NLGN4Y: variants seen among roughly 807,000 people sequenced by gnomAD.
The protein encoded by NLGN4Y is neuroligin 4 Y-linked.
In NLGN4Y, 4 loss-of-function variants were observed where a neutral mutation model predicts 8.4. That is an observed-to-expected ratio of 0.48 (90% confidence interval 0.23 to 1.09). The LOEUF (loss-of-function observed/expected upper bound fraction) is 1.09. Among genes scored for constraint, NLGN4Y ranks in the 50% least tolerant of loss-of-function variants. The pLI is 0.19. For missense variants in NLGN4Y, 90 were observed against 192.3 expected (o/e 0.47, Z 3.15); for synonymous variants, 35 against 75.6 (o/e 0.46, Z 2.78).
At chrY:14,792,784 CAAAAAAAAAAAAAAAAAAA>C in intron 4 of NLGN4Y, among the ~76,000 whole-genome samples, 1 of 479 alleles carries the variant, frequency 2.1e-3, no homozygotes, top group Non-Finnish European at 3.5e-3. Flanking sequence ...ATCCTGTCTC[CAAAAAAAAAAAAAAAAAAA>C]AAAAAAAAAA....
intron 4 of NLGN4Y, among the ~76,000 whole-genome samples, chrY:14,724,674 CTG>C (rs2080949590): frequency 3.1e-5 from 1 of 31,940 alleles, no homozygotes; most frequent in Non-Finnish European, 7.6e-5. Context: ...GACAGAATCT[CTG>C]TCACCCAGGC....
chrY:14,785,423 T>C, intron 4 of NLGN4Y, among the ~76,000 whole-genome samples: 1 of 34,086 alleles, frequency 2.9e-5, no homozygotes, highest in African/African-American at 1.1e-4. Flanking sequence ...AATATTTGAA[T>C]TGTGTAATGG....
chrY:14,656,637 A>G (rs2080653593), intron 2 of NLGN4Y, among the ~76,000 whole-genome samples: 1 of 30,096 alleles, frequency 3.3e-5, no homozygotes, highest in African/African-American at 1.3e-4. Context: ...AAAAAAAAAC[A>G]GTAAAACAGA....
intron 2 of NLGN4Y, among the ~76,000 whole-genome samples, chrY:14,626,319 C>A (rs945390685): frequency 3.1e-5 from 1 of 32,634 alleles, no homozygotes; most frequent in African/African-American, 1.2e-4. Flanking sequence ...TTAGAGGCAG[C>A]GCGTCTGGAG....
rs529939296 is a variant in NLGN4Y, at chrY:14,706,605, GTTTCACCAATATGATTCT to G, written c.473-12851_473-12834del. Among the ~76,000 whole-genome samples, 155 of 30,410 alleles carry G rather than the reference GTTTCACCAATATGATTCT, an allele frequency of 5.1e-3. No individual in the cohort carries two copies. The South Asian group carries it at 0.12, about 23-fold the overall frequency. 81.6% of individuals were successfully genotyped at this position (30,410 alleles called of 37,273 possible). A position where few individuals can be genotyped will look rare whatever the true frequency, so the allele number is the denominator to read the frequency against. ...TTTTCCTGTTTTTAGTAGAGATAGG[GTTTCACCAATATGATTCT>G]TTCAAAGTGCTCATTACATCAGAAA... is the stretch of plus-strand genomic sequence containing the variant. On this transcript the variant is annotated intron_variant, in intron 2 of 6. Coordinates refer to ENST00000684976, the MANE Select transcript of NLGN4Y (RefSeq NM_001365588.1).
intron 2 of NLGN4Y, among the ~76,000 whole-genome samples, chrY:14,649,674 C>T (rs778245609): frequency 5.9e-5 from 2 of 33,951 alleles, no homozygotes; most frequent in African/African-American, 1.1e-4. Context: ...GTCAAATTTA[C>T]GTCAATCACA....
intron 4 of NLGN4Y, among the ~76,000 whole-genome samples, chrY:14,746,273 C>T (rs965740516): frequency 8.9e-5 from 3 of 33,662 alleles, no homozygotes; most frequent in South Asian, 6.6e-4. Flanking sequence ...CCCTCCATCA[C>T]TTCAGCTGGA....
At position 14,841,136 on chromosome Y, in the gene NLGN4Y, G is replaced by A; in HGVS notation, c.2385G>A (p.Thr795=). 3 of 398,654 alleles carry A rather than the reference G, an allele frequency of 7.5e-6. No homozygotes were observed. The highest frequency in any genetic ancestry group is 1.1e-5 in the Non-Finnish European group (3 of 283,623). The change falls in exon 7 of 7, where the codon ACG becomes ACA. Residue 795 remains threonine (T), a synonymous_variant. Coordinates refer to ENST00000684976, the MANE Select transcript of NLGN4Y (RefSeq NM_001365588.1). ...RRSPDDIPFM[T]PNTITMIPNT... Reference sequence around the variant, plus strand: ...CGCCGGATGACATCCCATTTATGACGCCAAACACCATCACCATGATTCCAA... The same window carrying A: ...CGCCGGATGACATCCCATTTATGACACCAAACACCATCACCATGATTCCAA...
At chrY:14,610,474 T>C (rs2080462798) in intron 1 of NLGN4Y, among the ~76,000 whole-genome samples, 1 of 33,427 alleles carries the variant, frequency 3.0e-5, no homozygotes, top group African/African-American at 1.2e-4. Context: ...CCGGTAGTCA[T>C]TCAGGAGCAA....
At chrY:14,633,662 C>A in intron 2 of NLGN4Y, among the ~76,000 whole-genome samples, 1 of 33,698 alleles carries the variant, frequency 3.0e-5, no homozygotes, top group African/African-American at 1.2e-4. Context: ...TATTTAGTGT[C>A]ATCACTTATT....
In NLGN4Y at chrY:14,702,083, G is replaced by C. The variant is rs2150544394; in HGVS notation, c.473-17376G>C. 1.3e-4 allele frequency among the ~76,000 whole-genome samples: 4 copies of C among 31,502 alleles called. No individual in the cohort carries two copies. In the East Asian group the frequency reaches 2.5e-3, roughly 20 times the overall value. 84.5% of individuals were successfully genotyped at this position (31,502 alleles called of 37,273 possible). A position where few individuals can be genotyped will look rare whatever the true frequency, so the allele number is the denominator to read the frequency against. On this transcript the variant is annotated intron_variant, in intron 2 of 6. Transcript: ENST00000684976. The stretch of plus-strand genomic sequence containing the variant: ...TTGCCCAGACTGTTCTCAAACTCCT[G>C]GCCTCTGGCAATCCTTCTGCTTCAG...
intron 4 of NLGN4Y, among the ~76,000 whole-genome samples, chrY:14,803,662 T>TA (rs2043046395): frequency 3.1e-5 from 1 of 32,401 alleles, no homozygotes; most frequent in African/African-American, 1.2e-4. Flanking sequence ...ACAGAATGAG[T>TA]AAAAGCCTAG....
chrY:14,629,298 G>A, intron 2 of NLGN4Y, among the ~76,000 whole-genome samples: 2 of 33,990 alleles, frequency 5.9e-5, no homozygotes, highest in Admixed American at 5.4e-4. Context: ...TTTATAGCAC[G>A]GTTTTCATCC....
intron 2 of NLGN4Y, among the ~76,000 whole-genome samples, chrY:14,686,147 G>A (rs2080790271): frequency 3.0e-5 from 1 of 33,176 alleles, no homozygotes; most frequent in Non-Finnish European, 7.5e-5. Flanking sequence ...CCTTCCTGAT[G>A]AGCTGAGGGT....
intron 2 of NLGN4Y, among the ~76,000 whole-genome samples, chrY:14,622,794 G>A (rs2080516014): frequency 3.0e-5 from 1 of 33,896 alleles, no homozygotes; most frequent in African/African-American, 1.1e-4. Context: ...CTACTGGATG[G>A]ACAAAACTAT....
intron 4 of NLGN4Y, among the ~76,000 whole-genome samples, chrY:14,778,304 G>A (rs2081134748): frequency 3.0e-5 from 1 of 32,885 alleles, no homozygotes; most frequent in Non-Finnish European, 7.4e-5. Context: ...AGCACATATG[G>A]CCTTTACCCT....
chrY:14,703,843 G>A, intron 2 of NLGN4Y, among the ~76,000 whole-genome samples: 1 of 32,731 alleles, frequency 3.1e-5, no homozygotes, highest in Admixed American at 2.8e-4. Flanking sequence ...TTTCATTGAG[G>A]AGTGGTCTGT....
At chrY:14,657,319 G>A in intron 2 of NLGN4Y, among the ~76,000 whole-genome samples, 7 of 32,254 alleles carry the variant, frequency 2.2e-4, no homozygotes, top group Admixed American at 1.5e-3. Context: ...ATTACATTTA[G>A]CGGTCATGTC....
intron 2 of NLGN4Y, among the ~76,000 whole-genome samples, chrY:14,705,816 T>G (rs2080874595): frequency 3.0e-5 from 1 of 33,660 alleles, no homozygotes; most frequent in Non-Finnish European, 7.4e-5. Flanking sequence ...TAAGTTTAAA[T>G]GAGATTTTGC....
Sources: allele counts gnomAD v4.1 joint callset (sites outside exome capture counted in the v4.1 genomes callset), GRCh38; gene constraint gnomAD v4.1.1; transcripts MANE v1.5; gene names NCBI Gene and HGNC (gene_info 2026-07-23, HGNC 2026-07-21).